HSPG2: variants seen among roughly 807,000 people sequenced by gnomAD.
HSPG2 encodes heparan sulfate proteoglycan 2, also known as basement membrane-specific heparan sulfate proteoglycan core protein.
HSPG2 carries 278 observed loss-of-function variants against 526.6 expected under a neutral mutation model. That is an observed-to-expected ratio of 0.53 (90% CI 0.48 to 0.58). The LOEUF (loss-of-function observed/expected upper bound fraction) is 0.58. Ranked by LOEUF, HSPG2 falls within the 20% of genes least tolerant of loss-of-function variation. The pLI is 0.00. For synonymous variants in HSPG2, 2,465 were observed against 2,555.4 expected (o/e 0.96, Z 1.07); for missense variants, 5,354 against 6,099.5 (o/e 0.88, Z 4.07).
Position 21,895,895 on chromosome 1 carries a change from ACCTGCAGGAGG to A in HSPG2, c.244+16_244+26del. The A allele has an allele frequency of 6.2e-7, 1 of 1,608,576 alleles. No individual in the cohort carries two copies. The highest frequency in any genetic ancestry group is 8.5e-7 in the Non-Finnish European group (1 of 1,175,336). ...GGCTTCCCTGGGGGACAGGAGGGAG[ACCTGCAGGAGG>A]CCTGCAGCAACTTACCCATCTGGAA... On this transcript the variant is annotated intron_variant, in intron 3 of 96. Transcript: ENST00000374695. This position sits in a 1 kb window ranked among gnomAD's most constrained non-coding sequence, Gnocchi z 4.1.
chr1:21,823,789 C>G lies in HSPG2; in HGVS notation c.12900-70G>C, dbSNP rs917665524. 2.5e-6 allele frequency: 3 copies of G among 1,200,114 alleles called. No homozygotes were observed. The African/African-American group carries it at 4.5e-5, about 18-fold the overall frequency. 74.3% of individuals were successfully genotyped at this position (1,200,114 alleles called of 1,614,324 possible). The stretch of plus-strand genomic sequence containing the variant: ...CCTCCCCGGCCCCACGACAGAGTCC[C>G]CTCCCTCTGATATCGAGACTCCAGA... On this transcript the variant is annotated intron_variant, in intron 95 of 96. Coordinates refer to ENST00000374695, the MANE Select transcript of HSPG2 (RefSeq NM_005529.7).
chr1:21,908,559 T>C (rs1420470457), intron 1 of HSPG2: 10 of 842,242 alleles, frequency 1.2e-5, no homozygotes, highest in Non-Finnish European at 1.8e-5. Context: ...TGGAACCTAT[T>C]CTCTATGAAT....
At chr1:21,829,779 C>T in intron 86 of HSPG2, 175 bp from the exon 87 acceptor site, 1 of 706,002 alleles carries the variant, frequency 1.4e-6, no homozygotes, top group South Asian at 1.8e-5. Flanking sequence ...GCACACGGGG[C>T]TGGGAGGAGC....
In HSPG2 at chr1:21,890,402, C is replaced by T; in HGVS notation, c.413+25G>A. On this transcript the variant is annotated intron_variant, in intron 5 of 96. Coordinates refer to ENST00000374695, the MANE Select transcript of HSPG2 (RefSeq NM_005529.7). The surrounding 1 kb of genome is among the most constrained non-coding windows in gnomAD (Gnocchi z 4.1). ...CAGGTTACCCGCTCAAGTCCCCCAG[C>T]AGCCCCCAGGGAGCCCCTTCTCACT... The T allele has an allele frequency of 6.2e-7, 1 of 1,611,422 alleles. No individual in the cohort carries two copies. Among genetic ancestry groups the T allele is most frequent in the Non-Finnish European group, 8.5e-7 (1 of 1,177,672 alleles).
At position 21,827,569 on chromosome 1, in the gene HSPG2, C is replaced by T. The variant is rs376944390; in HGVS notation, c.12589+294G>A. Among the ~76,000 whole-genome samples the T allele has an allele frequency of 5.9e-5, 9 of 152,296 alleles. No homozygotes were observed. The East Asian group carries it at 1.5e-3, about 26-fold the overall frequency. On this transcript the variant is annotated intron_variant, in intron 91 of 96. Coordinates refer to ENST00000374695, the MANE Select transcript of HSPG2 (RefSeq NM_005529.7). ...GGAATGAGGGTCTTGCTTTATGCAT[C>T]TTATATTTACTGCTCTCAGGGCAAG...
At position 21,872,062 on chromosome 1, in the gene HSPG2, C is replaced by A. The variant is rs556109048; in HGVS notation, c.4221+124G>T. ...GTTCAGACCAATGTCTATGGGACTG[C>A]AAAAGCCACGTGCCTAACCACGATA... On this transcript the variant is annotated intron_variant, in intron 33 of 96. Coordinates refer to ENST00000374695, the MANE Select transcript of HSPG2 (RefSeq NM_005529.7). The surrounding 1 kb of genome is among the most constrained non-coding windows in gnomAD (Gnocchi z 5.5). 1 of 1,063,668 alleles carries A rather than the reference C, an allele frequency of 9.4e-7. No individual in the cohort carries two copies. The highest frequency in any genetic ancestry group is 1.4e-6 in the Non-Finnish European group (1 of 710,166). The allele number at this position is 1,063,668 out of a possible 1,614,324, so 65.9% of individuals were successfully genotyped here. A position where few individuals can be genotyped will look rare whatever the true frequency, so the allele number is the denominator to read the frequency against.
chr1:21,876,914 C>G (rs140779626), intron 21 of HSPG2, among the ~76,000 whole-genome samples: 49 of 152,192 alleles, frequency 3.2e-4, no homozygotes, highest in African/African-American at 1.1e-3. Flanking sequence ...CAAAAATTAG[C>G]CTGGCGTGGT....
rs1221756251 is a variant in HSPG2 at position 21,832,736 on chromosome 1, A to T, written c.11096-130T>A. The stretch of plus-strand genomic sequence containing the variant: ...CCTGTCCCTCCCTCTGGCACTCCTC[A>T]CACAGCCAGGGCCTTCTCACTATCT... On this transcript the variant is annotated intron_variant, in intron 80 of 96. Transcript: ENST00000374695. The T allele has an allele frequency of 4.3e-6, 3 of 693,582 alleles. No homozygotes were observed. In the East Asian group the frequency reaches 8.1e-5, roughly 19 times the overall value. 43.0% of individuals were successfully genotyped at this position (693,582 alleles called of 1,614,324 possible).
intron 1 of HSPG2, among the ~76,000 whole-genome samples, chr1:21,921,191 C>G (rs948323820): frequency 3.3e-5 from 5 of 152,154 alleles, no homozygotes; most frequent in African/African-American, 1.2e-4. Flanking sequence ...GGTAAAGTGA[C>G]TTGCCCAAGG....
At position 21,855,594 on chromosome 1, in the gene HSPG2, T is replaced by C; in HGVS notation, c.5783A>G (p.Gln1928Arg). 4.4e-6 allele frequency: 7 copies of C among 1,588,318 alleles called. No homozygotes were observed. Among genetic ancestry groups the C allele is most frequent in the South Asian group, 1.1e-5 (1 of 87,968 alleles). Reference sequence around the variant, plus strand: ...GTGGGCTCGGCACAAGTACTGGGCCTGATCCGTGGGCTCGACAGCTGGCAG... The same window carrying C: ...GTGGGCTCGGCACAAGTACTGGGCCCGATCCGTGGGCTCGACAGCTGGCAG... Reference protein sequence around the residue: ...LRLPAVEPTDQAQYLCRAHSS... With the variant: ...LRLPAVEPTDRAQYLCRAHSS... The change falls in exon 46 of 97, where the codon CAG becomes CGG. Residue 1928 changes from glutamine to arginine, a missense_variant. Transcript: ENST00000374695.
rs922740637 is a variant in HSPG2, at chr1:21,828,951, C to T, written c.12121G>A (p.Gly4041Ser). The stretch of plus-strand genomic sequence containing the variant: ...TGCAGGTTGAGGCCCTGGCTCTTGC[C>T]GGGCGAGGAGCGCAGCACAGGGCGT... Reference protein sequence around the residue: ...GGRPVLRSSPGKSQGLNLHTL... With the variant: ...GGRPVLRSSPSKSQGLNLHTL... Residue 4041 changes from glycine (G) to serine (S), a missense_variant, in exon 88 of 97, where the codon GGC (glycine) becomes AGC (serine). Physicochemically the swap from Gly to Ser is moderately conservative, Grantham distance 56. Coordinates refer to ENST00000374695, the MANE Select transcript of HSPG2 (RefSeq NM_005529.7). This position sits in a 1 kb window ranked among gnomAD's most constrained non-coding sequence, Gnocchi z 6.0. 4.1e-5 allele frequency: 64 copies of T among 1,576,202 alleles called. No homozygotes were observed. The highest frequency in any genetic ancestry group is 5.0e-5 in the Non-Finnish European group (58 of 1,161,218).
chr1:21,843,544 A>C, intron 65 of HSPG2, 106 bp from the exon 66 acceptor site: 2 of 1,243,870 alleles, frequency 1.6e-6, no homozygotes, highest in Non-Finnish European at 2.2e-6. Context: ...ATGTAGGCGC[A>C]TCCTGTTGGA....
At chr1:21,928,568 G>A (rs1022586117) in intron 1 of HSPG2, among the ~76,000 whole-genome samples, 31 of 151,972 alleles carry the variant, frequency 2.0e-4, no homozygotes, top group African/African-American at 7.2e-4. Context: ...AGCCTCCTGA[G>A]TAGCTGAGAC....
At position 21,881,386 on chromosome 1, in the gene HSPG2, C is replaced by A. The variant is rs375066928; in HGVS notation, c.1771G>T (p.Val591Phe). The change falls in exon 14 of 97, where the codon GTC (valine) becomes TTC (phenylalanine). Residue 591 changes from valine (V) to phenylalanine (F), a missense_variant. Val to Phe is a conservative substitution (Grantham distance 50). Coordinates refer to ENST00000374695, the MANE Select transcript of HSPG2 (RefSeq NM_005529.7). ...GGCAGAGCCCAGAAGGAGTCGTGGACGAGGAAGCGGCGGGACAGGTCGACT... is the reference window on the plus strand; with the variant it reads ...GGCAGAGCCCAGAAGGAGTCGTGGAAGAGGAAGCGGCGGGACAGGTCGACT... ...QLVDLSRRFL[V>F]HDSFWALPEQ... is the part of the protein sequence containing the mutation. 2.3e-5 allele frequency: 37 copies of A among 1,614,056 alleles called. No individual in the cohort carries two copies. The East Asian group carries it at 6.5e-4, about 28-fold the overall frequency.
rs573500874 is a variant in HSPG2, at chr1:21,826,908, C to T, written c.12589+955G>A. On this transcript the variant is annotated intron_variant, in intron 91 of 96. Coordinates refer to ENST00000374695, the MANE Select transcript of HSPG2 (RefSeq NM_005529.7). ...TGCACTAAGTGGCCGGGCGCGGTGGCTTATGCCTGTAATCCAGCACTTTAG... is the reference window on the plus strand; with the variant it reads ...TGCACTAAGTGGCCGGGCGCGGTGGTTTATGCCTGTAATCCAGCACTTTAG... Among the ~76,000 whole-genome samples, 15 of 152,226 alleles carry T rather than the reference C, an allele frequency of 9.9e-5. No homozygotes were observed. The East Asian group carries it at 2.5e-3, about 26-fold the overall frequency.
chr1:21,842,918 G>A lies in HSPG2; in HGVS notation c.8762C>T (p.Pro2921Leu), dbSNP rs1013376038. 1.9e-5 allele frequency: 30 copies of A among 1,614,116 alleles called. No homozygotes were observed. The highest frequency in any genetic ancestry group is 2.3e-5 in the Non-Finnish European group (27 of 1,180,030). Residue 2921 changes from proline to leucine, a missense_variant, in exon 67 of 97, where the codon CCA becomes CTA. Pro to Leu is a moderately conservative substitution (Grantham distance 98). Coordinates refer to ENST00000374695, the MANE Select transcript of HSPG2 (RefSeq NM_005529.7). ...GATGTAGATGGGCTGGGCCAGTCCTGGAGCTGTGGGCACAGGGGGTGGGTG... is the reference window on the plus strand; with the variant it reads ...GATGTAGATGGGCTGGGCCAGTCCTAGAGCTGTGGGCACAGGGGGTGGGTG... ...EPSSPGPIPA[P>L]GLAQPIYIEA...
intron 33 of HSPG2, chr1:21,869,405 A>G: frequency 1.0e-6 from 1 of 980,804 alleles, no homozygotes. Context: ...TGGTTCAGAA[A>G]TGACTGAAGT....
intron 87 of HSPG2, 102 bp from the exon 88 acceptor site, chr1:21,829,181 G>T: frequency 6.8e-7 from 1 of 1,466,070 alleles, no homozygotes; most frequent in Non-Finnish European, 9.1e-7. Context: ...ATGCCCTACA[G>T]CCTTCTGTAT....
intron 76 of HSPG2, 156 bp from the exon 77 acceptor site, chr1:21,835,101 C>A: frequency 1.2e-6 from 1 of 827,760 alleles, no homozygotes; most frequent in Non-Finnish European, 2.0e-6. Context: ...AACACACTCA[C>A]TTGTCAGGTC....
Sources: allele counts gnomAD v4.1 joint callset (sites outside exome capture counted in the v4.1 genomes callset), GRCh38; gene constraint gnomAD v4.1.1; non-coding constraint Gnocchi (gnomAD v3.1); transcripts MANE v1.5; gene names NCBI Gene and HGNC (gene_info 2026-07-23, HGNC 2026-07-21).